The following RARB variants were observed in gnomAD, a reference collection of about 807,000 sequenced individuals.
The protein encoded by RARB is HBV-activated protein.
A neutral mutation model predicts 51.9 loss-of-function variants in RARB; 17 were observed. The observed-to-expected ratio is 0.33, with a 90% CI of 0.22 to 0.49. The LOEUF is 0.49. RARB is among the 20% of genes least tolerant of loss of function. RARB has a pLI of 0.99. For synonymous variants in RARB, 215 were observed against 195.4 expected, an observed-to-expected ratio of 1.10 and a Z score of -0.84; for missense variants, 369 against 550.8, an observed-to-expected ratio of 0.67 and a Z score of 3.30.
chr3:25,342,705 A>G (rs185819042), intron 5 of RARB, among the ~76,000 whole-genome samples: 1 of 152,348 alleles, frequency 6.6e-6, no homozygotes, highest in Admixed American at 6.5e-5. Flanking sequence ...CTGCAGCTGA[A>G]CGCAGCCCTA....
chr3:24,938,364 G>A (rs980232585), intron 2 of RARB, among the ~76,000 whole-genome samples: 1 of 152,038 alleles, frequency 6.6e-6, no homozygotes, highest in Non-Finnish European at 1.5e-5. Flanking sequence ...CAGACTCCTA[G>A]GATTTCTGAG....
chr3:25,193,714 T>C lies in RARB; in HGVS notation c.178+19139T>C, dbSNP rs76056201. ...TATTTCAACAATTCTCATTCTAATT[T>C]TTTTCTATTGTGTATGTAGATTGTT... On this transcript the variant is annotated intron_variant, in intron 5 of 11. Transcript: ENST00000383772. 3.0e-3 allele frequency among the ~76,000 whole-genome samples: 450 copies of C among 152,150 alleles called. 5 individuals carry two copies. The highest frequency in any genetic ancestry group is 0.016 in the South Asian group (75 of 4,826).
intron 2 of RARB, among the ~76,000 whole-genome samples, chr3:24,978,827 CT>C (rs1165773741): frequency 6.6e-6 from 1 of 151,926 alleles, no homozygotes; most frequent in African/African-American, 2.4e-5. Flanking sequence ...TTCTCTACTT[CT>C]TTTAATTGTG....
In RARB at chr3:25,254,469, A is replaced by G. The variant is rs557632482; in HGVS notation, c.178+79894A>G. On this transcript the variant is annotated intron_variant, in intron 5 of 11. Coordinates refer to the RARB transcript ENST00000383772. ...AATAGCATTCCACTCTTGCTTTTACATAGCTGAAAAATGCATCAAGAATAA... is the reference window on the plus strand; with the variant it reads ...AATAGCATTCCACTCTTGCTTTTACGTAGCTGAAAAATGCATCAAGAATAA... Among the ~76,000 whole-genome samples the G allele has an allele frequency of 6.6e-5, 10 of 152,318 alleles. No homozygotes were observed. In the South Asian group the frequency reaches 1.2e-3, roughly 19 times the overall value.
intron 2 of RARB, among the ~76,000 whole-genome samples, chr3:24,950,295 T>C (rs950906361): frequency 6.6e-6 from 1 of 152,222 alleles, no homozygotes; most frequent in African/African-American, 2.4e-5. Flanking sequence ...TGCCCTATTT[T>C]GTATTTAATT....
Position 25,084,546 on chromosome 3 carries a change from C to T in RARB, c.-328+24370C>T, listed in dbSNP as rs906131549. Among the ~76,000 whole-genome samples the T allele has an allele frequency of 2.1e-3, 6 of 2,812 alleles. No individual in the cohort carries two copies. In the African/African-American group the frequency reaches 0.079, roughly 37 times the overall value. 1.8% of individuals were successfully genotyped at this position (2,812 alleles called of 152,430 possible). A position where few individuals can be genotyped will look rare whatever the true frequency, so the allele number is the denominator to read the frequency against. On this transcript the variant is annotated intron_variant, in intron 3 of 11. Coordinates refer to the RARB transcript ENST00000383772. ...TTGGATTCTTTACACATCATTAATC[C>T]CTTCTCTATGCAACATCTCAGATAT...
At chr3:24,967,151 G>C (rs1325319445) in intron 2 of RARB, among the ~76,000 whole-genome samples, 1 of 151,938 alleles carries the variant, frequency 6.6e-6, no homozygotes, top group Non-Finnish European at 1.5e-5. Context: ...TCGGCCCGTG[G>C]GCTTCCATAG....
At chr3:25,017,125 A>G (rs540523909) in intron 2 of RARB, among the ~76,000 whole-genome samples, 51 of 152,188 alleles carry the variant, frequency 3.4e-4, no homozygotes, top group Non-Finnish European at 6.6e-4. Context: ...ATGGGATGGG[A>G]GATACCGTTC....
intron 4 of RARB, among the ~76,000 whole-genome samples, chr3:25,141,572 T>G (rs1199426280): frequency 6.6e-6 from 1 of 152,216 alleles, no homozygotes; most frequent in African/African-American, 2.4e-5. Context: ...CATTCAAATC[T>G]ACAGAAAATG....
At chr3:25,319,069 T>C (rs1415027358) in intron 5 of RARB, among the ~76,000 whole-genome samples, 3 of 150,438 alleles carry the variant, frequency 2.0e-5, no homozygotes, top group Non-Finnish European at 4.5e-5. Context: ...TTTTCAATAA[T>C]ATATTGGACC....
chr3:25,146,625 A>T (rs1233859741), intron 4 of RARB, among the ~76,000 whole-genome samples: 1 of 150,594 alleles, frequency 6.6e-6, no homozygotes, highest in East Asian at 2.0e-4. Flanking sequence ...CTCCTGCCTC[A>T]GCCTCCCCAG....
At chr3:25,017,786 T>C (rs901899873) in intron 2 of RARB, among the ~76,000 whole-genome samples, 2 of 152,208 alleles carry the variant, frequency 1.3e-5, no homozygotes, top group Non-Finnish European at 2.9e-5. Flanking sequence ...TAATCCTTAA[T>C]GCTATGGTCT....
At chr3:25,548,535 T>C (rs1699713763) in intron 3 of RARB, among the ~76,000 whole-genome samples, 1 of 152,030 alleles carries the variant, frequency 6.6e-6, no homozygotes. Context: ...CAAACCCATT[T>C]CTTTAAATGT....
At chr3:25,594,476 G>T in intron 6 of RARB, 44 bp from the exon 7 acceptor site, 1 of 1,543,454 alleles carries the variant, frequency 6.5e-7, no homozygotes, top group South Asian at 1.3e-5. Flanking sequence ...GGGGAAAAGG[G>T]CATAAATCCT....
chr3:25,582,249 T>C (rs868368), intron 5 of RARB, among the ~76,000 whole-genome samples: 11,591 of 152,178 alleles, frequency 0.076, 660 homozygotes, highest in African/African-American at 0.14. Context: ...TGACAAGAAC[T>C]TAAAATGTAA....
At chr3:24,929,926 A>C (rs1045726565) in intron 2 of RARB, among the ~76,000 whole-genome samples, 5 of 152,108 alleles carry the variant, frequency 3.3e-5, no homozygotes, top group Non-Finnish European at 7.4e-5. Flanking sequence ...TGTTTTACCT[A>C]TTTTAATGCT....
Position 25,416,710 on chromosome 3 carries a change from C to A in RARB, c.179-44483C>A, listed in dbSNP as rs145688831. ...GCTCCAATAAAACTTTATTTTACAA[C>A]AAGTGGTAGGCTGGATTTGGCCTTT... On this transcript the variant is annotated intron_variant, in intron 5 of 11. Transcript: ENST00000383772. Among the ~76,000 whole-genome samples the A allele has an allele frequency of 3.3e-5, 5 of 152,304 alleles. No homozygotes were observed. The South Asian group carries it at 1.0e-3, about 32-fold the overall frequency.
At chr3:25,570,021 CTTTG>C in intron 4 of RARB, 103 bp downstream of exon 4, 1 of 1,191,622 alleles carries the variant, frequency 8.4e-7, no homozygotes, top group Non-Finnish European at 1.1e-6. Flanking sequence ...CACACACACA[CTTTG>C]CACTGGGCCT....
rs142658742 is a variant in RARB, at chr3:25,494,250, T to TACACACACACACAC, written c.307-6930_307-6929insACACACACACACAC. 2.2e-3 allele frequency among the ~76,000 whole-genome samples: 295 copies of TACACACACACACAC among 137,166 alleles called. 5 individuals are homozygous for TACACACACACACAC. Among genetic ancestry groups the TACACACACACACAC allele is most frequent in the African/African-American group, 7.0e-3 (272 of 38,742 alleles). 90.0% of individuals were successfully genotyped at this position (137,166 alleles called of 152,430 possible). ...TTAGCCCCCTTTTCCAGCTGTATCT[T>TACACACACACACAC]ACGCACACACACACACACACACACA... is the stretch of plus-strand genomic sequence containing the variant. On this transcript the variant is annotated intron_variant, in intron 2 of 7. Transcript: ENST00000330688.
Sources: allele counts gnomAD v4.1 joint callset (sites outside exome capture counted in the v4.1 genomes callset), GRCh38; gene constraint gnomAD v4.1.1; transcripts MANE v1.5; gene names NCBI Gene and HGNC (gene_info 2026-07-23, HGNC 2026-07-21).